KDM4C: variants seen among roughly 807,000 people sequenced by gnomAD.
KDM4C encodes lysine-specific demethylase 4C.
In KDM4C, 81 loss-of-function variants were observed where a neutral mutation model predicts 129.3. The observed-to-expected ratio is 0.63, with a 90% CI of 0.52 to 0.75. The LOEUF (loss-of-function observed/expected upper bound fraction) is 0.75, where lower values mean the gene tolerates loss of function less well. Among genes scored for constraint, KDM4C ranks in the 30% least tolerant of loss-of-function variants. The pLI, the probability that KDM4C is intolerant of heterozygous loss-of-function variation, is 0.00. For missense variants in KDM4C, 1,457 were observed against 1,304.0 expected, an observed-to-expected ratio of 1.12 and a Z score of -1.81; for synonymous variants, 573 against 456.1, an observed-to-expected ratio of 1.26 and a Z score of -3.26.
intron 8 of KDM4C, among the ~76,000 whole-genome samples, chr9:6,931,896 T>G (rs1823810949): frequency 6.6e-6 from 1 of 152,230 alleles, no homozygotes; most frequent in South Asian, 2.1e-4. Flanking sequence ...AGAATTGTAA[T>G]TAATTGTCTA....
At chr9:6,954,225 T>C (rs1828676181) in intron 8 of KDM4C, among the ~76,000 whole-genome samples, 1 of 152,218 alleles carries the variant, frequency 6.6e-6, no homozygotes, top group Admixed American at 6.5e-5. Flanking sequence ...AGGGCTGCCT[T>C]TCCCATGCAA....
At chr9:6,878,167 T>G (rs191513634) in intron 5 of KDM4C, among the ~76,000 whole-genome samples, 107 of 152,240 alleles carry the variant, frequency 7.0e-4, no homozygotes, top group Admixed American at 1.5e-3. Flanking sequence ...TTTGAGGATT[T>G]AGTTCTACTT....
At position 6,849,525 on chromosome 9, in the gene KDM4C, A is replaced by G. The variant is rs747637990; in HGVS notation, c.454A>G (p.Ile152Val). 1.9e-6 allele frequency: 3 copies of G among 1,594,096 alleles called. No individual in the cohort carries two copies. The highest frequency in any genetic ancestry group is 2.7e-5 in the African/African-American group (2 of 74,556). The change falls in exon 5 of 22, where the codon ATA (isoleucine) becomes GTA (valine). Residue 152 changes from isoleucine to valine, a missense_variant. Transcript: ENST00000381309. ...ATTCCAGGGTGTGGATGAATGGAACATAGCTCGCCTCAATACAGTCTTGGA... is the reference window on the plus strand; with the variant it reads ...ATTCCAGGGTGTGGATGAATGGAACGTAGCTCGCCTCAATACAGTCTTGGA... ...IYDEGVDEWN[I>V]ARLNTVLDVV... is the part of the protein sequence containing the mutation.
Position 6,984,396 on chromosome 9 carries a change from A to C in KDM4C, c.1346A>C (p.Lys449Thr). Residue 449 changes from lysine to threonine, a missense_variant, in exon 10 of 22, where the codon AAA (lysine) becomes ACA (threonine). Physicochemically the swap from Lys to Thr is moderately conservative, Grantham distance 78. Transcript: ENST00000381309. ...GAGCAGAATTTATCAGATCATATCA[A>C]ACTCTCAGGTGAGAAGATGGTTGAT... is the stretch of plus-strand genomic sequence containing the variant. ...QVEQNLSDHI[K>T]LSGNSCLSTS... The C allele has an allele frequency of 1.2e-6, 2 of 1,606,426 alleles. No individual in the cohort carries two copies. Among genetic ancestry groups the C allele is most frequent in the Non-Finnish European group, 1.7e-6 (2 of 1,173,298 alleles).
intron 3 of KDM4C, among the ~76,000 whole-genome samples, chr9:6,810,405 T>C (rs969639375): frequency 6.6e-6 from 1 of 152,202 alleles, no homozygotes; most frequent in Non-Finnish European, 1.5e-5. Flanking sequence ...CTTAAAATGG[T>C]ATAAATTTTT....
At chr9:6,784,060 G>GA (rs1554682009) in intron 1 of KDM4C, among the ~76,000 whole-genome samples, 1 of 149,538 alleles carries the variant, frequency 6.7e-6, no homozygotes, top group East Asian at 1.9e-4. Context: ...TAATTTGAAT[G>GA]TTTTTTTTTT....
At chr9:6,974,503 A>C (rs980319626) in intron 8 of KDM4C, among the ~76,000 whole-genome samples, 1 of 152,150 alleles carries the variant, frequency 6.6e-6, no homozygotes, top group Non-Finnish European at 1.5e-5. Flanking sequence ...GATTACAGGC[A>C]TGTGCCACCA....
At chr9:7,132,106 C>T (rs1218667345) in intron 19 of KDM4C, among the ~76,000 whole-genome samples, 2 of 152,212 alleles carry the variant, frequency 1.3e-5, no homozygotes, top group African/African-American at 4.8e-5. Flanking sequence ...TTTAAGGGTA[C>T]AGTGCAATTT....
At chr9:6,816,089 A>C (rs1832034521) in intron 4 of KDM4C, among the ~76,000 whole-genome samples, 1 of 152,170 alleles carries the variant, frequency 6.6e-6, no homozygotes. Flanking sequence ...TCAGTCAAGG[A>C]TTCCCCTTTG....
At chr9:7,012,731 A>G (rs979767581) in intron 13 of KDM4C, among the ~76,000 whole-genome samples, 17 of 152,206 alleles carry the variant, frequency 1.1e-4, no homozygotes, top group African/African-American at 3.9e-4. Context: ...AACAGTTGAA[A>G]TATTTTTAGG....
At chr9:7,152,923 A>C (rs373670268) in intron 19 of KDM4C, among the ~76,000 whole-genome samples, 3 of 152,226 alleles carry the variant, frequency 2.0e-5, no homozygotes, top group East Asian at 3.8e-4. Flanking sequence ...GAGCACAGAG[A>C]AAAATTCTTT....
chr9:7,055,435 A>G (rs1300790764), intron 17 of KDM4C, among the ~76,000 whole-genome samples: 1 of 152,204 alleles, frequency 6.6e-6, no homozygotes, highest in African/African-American at 2.4e-5. Flanking sequence ...TCTCTGAGTG[A>G]AGAACATTAT....
chr9:6,943,557 C>T (rs1826343051), intron 8 of KDM4C, among the ~76,000 whole-genome samples: 1 of 151,890 alleles, frequency 6.6e-6, no homozygotes, highest in African/African-American at 2.4e-5. Context: ...TGCCTCTGGT[C>T]CTGGCTACTT....
chr9:6,849,506 G>C lies in KDM4C; in HGVS notation c.436-1G>C. The C allele has an allele frequency of 2.6e-6, 4 of 1,526,540 alleles. No individual in the cohort carries two copies. Among genetic ancestry groups the C allele is most frequent in the Non-Finnish European group, 3.5e-6 (4 of 1,127,342 alleles). 94.6% of individuals were successfully genotyped at this position (1,526,540 alleles called of 1,614,324 possible). ...CTCTCTTTTTTTCTCTCTCATTCCAGGGTGTGGATGAATGGAACATAGCTC... is the reference window on the plus strand; with the variant it reads ...CTCTCTTTTTTTCTCTCTCATTCCACGGTGTGGATGAATGGAACATAGCTC... On this transcript the variant is annotated splice_acceptor_variant, in intron 4 of 21. Transcript: ENST00000381309. LOFTEE classifies it high-confidence loss of function.
At chr9:7,075,923 G>T (rs972491083) in intron 17 of KDM4C, among the ~76,000 whole-genome samples, 10 of 152,038 alleles carry the variant, frequency 6.6e-5, no homozygotes, top group African/African-American at 2.4e-4. Context: ...AATCTTGGGT[G>T]TGATAATTTG....
exon 1 of KDM4C, chr9:6,720,884 G>A (rs1208161346): frequency 1.6e-5 from 22 of 1,414,600 alleles, no homozygotes; most frequent in Non-Finnish European, 2.2e-5. Flanking sequence ...GATGGTCTGT[G>A]ACCTGAAAGT....
chr9:6,965,201 G>A (rs1589358669), intron 8 of KDM4C, among the ~76,000 whole-genome samples: 1 of 151,704 alleles, frequency 6.6e-6, no homozygotes, highest in East Asian at 1.9e-4. Context: ...GGCTGTGTAA[G>A]CATAGGAAGC....
At chr9:6,756,136 A>G (rs1380280810), upstream of KDM4C, among the ~76,000 whole-genome samples, 1 of 151,946 alleles carries the variant, frequency 6.6e-6, no homozygotes, top group Non-Finnish European at 1.5e-5. Context: ...CTTCCAAAAG[A>G]CCCTAGCTGC....
Position 7,159,928 on chromosome 9 carries a change from T to G in KDM4C, c.2782-5310T>G, listed in dbSNP as rs75389002. 8.7e-3 allele frequency among the ~76,000 whole-genome samples: 1,321 copies of G among 152,332 alleles called. 14 individuals carry two copies. The highest frequency in any genetic ancestry group is 0.031 in the African/African-American group (1,270 of 41,560). On this transcript the variant is annotated intron_variant, in intron 19 of 21. Transcript: ENST00000381309. ...CTGGATACTATCCTGACGAGTGTTT[T>G]CCAACTTGGTTCTATTCTCCCCATC... is the stretch of plus-strand genomic sequence containing the variant.
Sources: allele counts gnomAD v4.1 joint callset (sites outside exome capture counted in the v4.1 genomes callset), GRCh38; gene constraint gnomAD v4.1.1; transcripts MANE v1.5; gene names NCBI Gene and HGNC (gene_info 2026-07-23, HGNC 2026-07-21).